The following APOM variants were observed in gnomAD, a reference collection of about 807,000 sequenced individuals.
APOM encodes NG20-like protein.
APOM carries 24 observed loss-of-function variants against 23.5 expected under a neutral mutation model. That is an observed-to-expected ratio of 1.02 (90% CI 0.74 to 1.44). The LOEUF is 1.44. APOM is among the 40% of genes most tolerant of loss of function. The pLI is 0.00. For missense variants in APOM, 200 were observed against 233.2 expected (o/e 0.86, Z 0.93); for synonymous variants, 82 against 84.1 (o/e 0.97, Z 0.14).
At chr6:31,654,959 G>C (rs185061687), upstream of APOM, among the ~76,000 whole-genome samples, 480 of 152,268 alleles carry the variant, frequency 3.2e-3, 2 homozygotes, top group African/African-American at 0.01. Flanking sequence ...TGTTTTGTTT[G>C]TTTGGAGACA....
intron 2 of APOM, 52 bp downstream of exon 2, chr6:31,656,678 G>A: frequency 6.3e-7 from 1 of 1,586,354 alleles, no homozygotes; most frequent in Admixed American, 1.7e-5. Flanking sequence ...TGCCCAAAGT[G>A]TGAGAATCCA....
chr6:31,657,751 G>A (rs1341765956), intron 5 of APOM, 28 bp downstream of exon 5: 2 of 1,573,860 alleles, frequency 1.3e-6, no homozygotes, highest in East Asian at 2.2e-5. Flanking sequence ...CATAAAACAG[G>A]ATTAGGACTC....
chr6:31,655,978 A>G lies in APOM; in HGVS notation c.12A>G (p.Gln4=). ...CCTCCTGCCTGAAGATGTTCCACCA[A>G]ATTTGGGCAGCTCTGCTCTACTTCT... The part of the protein sequence containing the change: MFH[Q]IWAALLYFYG... The change falls in exon 1 of 6, where the codon CAA becomes CAG. Residue 4 remains glutamine (Q), a synonymous_variant. Transcript: ENST00000375916. 2 of 1,597,908 alleles carry G rather than the reference A, an allele frequency of 1.3e-6. No homozygotes were observed. The highest frequency in any genetic ancestry group is 1.7e-6 in the Non-Finnish European group (2 of 1,172,138).
upstream of APOM, among the ~76,000 whole-genome samples, chr6:31,655,224 A>G (rs1350355334): frequency 1.3e-5 from 2 of 152,222 alleles, no homozygotes; most frequent in Non-Finnish European, 2.9e-5. Flanking sequence ...TACAGGCATG[A>G]GCTACCTGCC....
intron 4 of APOM, 33 bp downstream of exon 4, chr6:31,657,511 G>A: frequency 1.2e-6 from 2 of 1,609,942 alleles, no homozygotes. Context: ...AAGGGTTGGA[G>A]GGAAACAAGG....
In APOM at chr6:31,657,622, C is replaced by T; in HGVS notation, c.443-3C>T. ...CTGGCCTGACCCCACCTTGCCCTTC[C>T]AGATCGCTCACCACATCCTCCCGAA... On this transcript the variant is annotated splice_region_variant and splice_polypyrimidine_tract_variant and intron_variant, in intron 4 of 5. Coordinates refer to ENST00000375916, the MANE Select transcript of APOM (RefSeq NM_019101.3). The T allele has an allele frequency of 6.2e-7, 1 of 1,612,820 alleles. No homozygotes were observed. The highest frequency in any genetic ancestry group is 1.3e-5 in the African/African-American group (1 of 75,032).
chr6:31,656,800 G>A (rs1308196463), intron 2 of APOM, among the ~76,000 whole-genome samples, 174 bp downstream of exon 2: 2 of 152,168 alleles, frequency 1.3e-5, no homozygotes, highest in Admixed American at 1.3e-4. Flanking sequence ...ATGCTTGGTA[G>A]CTTGAAACCC....
upstream of APOM, among the ~76,000 whole-genome samples, chr6:31,654,552 G>A (rs1382801983): frequency 6.6e-6 from 1 of 152,150 alleles, no homozygotes; most frequent in Non-Finnish European, 1.5e-5. Context: ...GTGATGGCGT[G>A]CACCTATACC....
At chr6:31,657,951 C>A in intron 5 of APOM, 113 bp from the exon 6 acceptor site, 1 of 1,169,448 alleles carries the variant, frequency 8.6e-7, no homozygotes, top group Non-Finnish European at 1.3e-6. Flanking sequence ...CTTAGAGACT[C>A]CCCTTTGACA....
At chr6:31,654,559 T>C (rs941741555), upstream of APOM, among the ~76,000 whole-genome samples, 2 of 152,134 alleles carry the variant, frequency 1.3e-5, no homozygotes, top group African/African-American at 4.8e-5. Context: ...CGTGCACCTA[T>C]ACCTCCTACT....
rs1271603561 is a variant in APOM at position 31,657,281 on chromosome 6, C to T, written c.326C>T (p.Thr109Ile). The change falls in exon 3 of 6, where the codon ACA (threonine) becomes ATA (isoleucine). Residue 109 changes from threonine (T) to isoleucine (I), a missense_variant. Physicochemically the swap from Thr to Ile is moderately conservative, Grantham distance 89. Transcript: ENST00000375916. Reference protein sequence around the residue: ...KWIYHLTEGSTDLRTEGRPDM... With the variant: ...KWIYHLTEGSIDLRTEGRPDM... Reference sequence around the variant, plus strand: ...ATCTACCACCTGACTGAAGGGAGCACAGATCTCAGAACTGAAGGTTGGTTC... The same window carrying T: ...ATCTACCACCTGACTGAAGGGAGCATAGATCTCAGAACTGAAGGTTGGTTC... 1 of 1,613,086 alleles carries T rather than the reference C, an allele frequency of 6.2e-7. No homozygotes were observed. The highest frequency in any genetic ancestry group is 8.5e-7 in the Non-Finnish European group (1 of 1,180,040).
intron 5 of APOM, 122 bp downstream of exon 5, chr6:31,657,845 A>G: frequency 9.5e-7 from 1 of 1,050,156 alleles, no homozygotes; most frequent in Non-Finnish European, 1.5e-6. Flanking sequence ...ATGTCACCTG[A>G]GGGAGGCAGG....
At chr6:31,655,684 G>A, upstream of APOM, 2 of 357,824 alleles carry the variant, frequency 5.6e-6, no homozygotes, top group Non-Finnish European at 1.0e-5. Context: ...CAGGTTCAAA[G>A]ACCACAGGCT....
upstream of APOM, chr6:31,652,493 C>G (rs1447312742): frequency 6.6e-6 from 1 of 152,350 alleles, no homozygotes; most frequent in Non-Finnish European, 1.5e-5. Flanking sequence ...TCCGGCTCCC[C>G]CCAGGTCCCC....
chr6:31,657,787 G>T (rs765932248), intron 5 of APOM, 64 bp downstream of exon 5: 118 of 1,424,900 alleles, frequency 8.3e-5, no homozygotes, highest in Admixed American at 1.2e-4. Flanking sequence ...GTTACAGGGT[G>T]AAAGAGGCTC....
At chr6:31,654,917 A>G (rs570147920), upstream of APOM, among the ~76,000 whole-genome samples, 4 of 152,320 alleles carry the variant, frequency 2.6e-5, no homozygotes, top group East Asian at 1.9e-4. Flanking sequence ...TTTACAGATG[A>G]AAAAACAGAC....
upstream of APOM, chr6:31,655,870 G>C (rs747879312): frequency 6.5e-6 from 5 of 775,106 alleles, no homozygotes; most frequent in Admixed American, 8.7e-5. Context: ...AGGGTCAAGG[G>C]TCGAACGCAA....
upstream of APOM, chr6:31,655,709 T>C (rs1197287893): frequency 4.5e-6 from 2 of 447,850 alleles, no homozygotes; most frequent in Non-Finnish European, 8.2e-6. Flanking sequence ...CCTGGACAGC[T>C]CAGCTCTCCT....
Position 31,657,418 on chromosome 6 carries a change from T to C in APOM, c.382T>C (p.Cys128Arg), listed in dbSNP as rs1583541687. The change falls in exon 4 of 6, where the codon TGC (cysteine) becomes CGC (arginine). Residue 128 changes from cysteine (C) to arginine (R), a missense_variant. Physicochemically the swap from Cys to Arg is radical, Grantham distance 180. Coordinates refer to ENST00000375916, the MANE Select transcript of APOM (RefSeq NM_019101.3). ...GAAGACTGAGCTCTTTTCCAGCTCA[T>C]GCCCAGGTGGAATCATGCTGAATGA... ...DMKTELFSSSCPGGIMLNETG... is the reference protein window; with the variant it reads ...DMKTELFSSSRPGGIMLNETG... The C allele has an allele frequency of 6.2e-7, 1 of 1,613,038 alleles. No individual in the cohort carries two copies. Among genetic ancestry groups the C allele is most frequent in the Non-Finnish European group, 8.5e-7 (1 of 1,180,044 alleles).
Sources: allele counts gnomAD v4.1 joint callset (sites outside exome capture counted in the v4.1 genomes callset), GRCh38; gene constraint gnomAD v4.1.1; transcripts MANE v1.5; gene names NCBI Gene and HGNC (gene_info 2026-07-23, HGNC 2026-07-21).